The following ADGRL2 variants were observed in gnomAD, a reference collection of about 807,000 sequenced individuals.
ADGRL2 encodes the protein adhesion G protein-coupled receptor L2, also known as calcium-independent alpha-latrotoxin receptor 2.
Under a neutral mutation model 157.4 loss-of-function variants are expected in ADGRL2, and 44 were observed. The ratio of observed to expected loss-of-function variants is 0.28; its 90% CI spans 0.22 to 0.36. ADGRL2 has a LOEUF of 0.36. Ranked by LOEUF, ADGRL2 falls within the 10% of genes least tolerant of loss-of-function variation. ADGRL2 has a pLI of 1.00. For missense variants in ADGRL2, 1,510 were observed against 1,768.9 expected, an observed-to-expected ratio of 0.85 and a Z score of 2.63; for synonymous variants, 585 against 624.7, an observed-to-expected ratio of 0.94 and a Z score of 0.95.
intron 2 of ADGRL2, among the ~76,000 whole-genome samples, chr1:81,868,060 GGTGTGTGT>G (rs145794673): frequency 6.2e-5 from 9 of 145,556 alleles, no homozygotes; most frequent in Non-Finnish European, 1.2e-4. Context: ...GTGTGTGTGT[GGTGTGTGT>G]GTGTGTGTGT....
intron 1 of ADGRL2, among the ~76,000 whole-genome samples, chr1:81,802,656 T>A (rs986075322): frequency 6.6e-6 from 1 of 152,030 alleles, no homozygotes; most frequent in Non-Finnish European, 1.5e-5. Flanking sequence ...AAGCGCGTCC[T>A]CGGCGGAGCT....
At chr1:81,332,805 C>G (rs1661362001) in intron 1 of ADGRL2, among the ~76,000 whole-genome samples, 1 of 152,182 alleles carries the variant, frequency 6.6e-6, no homozygotes, top group Admixed American at 6.5e-5. Context: ...GGATGTAGAA[C>G]TTCATATGAA....
intron 2 of ADGRL2, 107 bp downstream of exon 2, chr1:81,837,164 G>A (rs1422296741): frequency 5.5e-6 from 3 of 544,310 alleles, no homozygotes; most frequent in South Asian, 3.5e-5. Flanking sequence ...TTAAAAATAG[G>A]TGTTAAAATT....
chr1:81,651,682 A>C (rs1448237584), intron 3 of ADGRL2, among the ~76,000 whole-genome samples: 21 of 152,170 alleles, frequency 1.4e-4, no homozygotes, highest in Admixed American at 1.3e-3. Flanking sequence ...ATTTTGGTAT[A>C]AGTTAGAATA....
intron 2 of ADGRL2, among the ~76,000 whole-genome samples, chr1:81,526,271 T>G (rs1452647233): frequency 6.6e-6 from 1 of 152,220 alleles, no homozygotes; most frequent in Non-Finnish European, 1.5e-5. Flanking sequence ...TGGGAATTAA[T>G]GTCTAGTGAG....
intron 1 of ADGRL2, among the ~76,000 whole-genome samples, chr1:81,375,936 C>A (rs1038437073): frequency 6.6e-6 from 1 of 151,860 alleles, no homozygotes; most frequent in Admixed American, 6.6e-5. Flanking sequence ...AACAAAGTAC[C>A]CATATTCGGT....
intron 1 of ADGRL2, among the ~76,000 whole-genome samples, chr1:81,442,811 T>C (rs958216916): frequency 1.3e-5 from 2 of 152,186 alleles, no homozygotes; most frequent in African/African-American, 4.8e-5. Flanking sequence ...CCATTTCCCA[T>C]CTACCATTTT....
chr1:81,850,668 A>T (rs571614647), intron 2 of ADGRL2, among the ~76,000 whole-genome samples: 1 of 152,074 alleles, frequency 6.6e-6, no homozygotes, highest in South Asian at 2.1e-4. Flanking sequence ...TAATCTAAAC[A>T]GGAATCCTCT....
At chr1:81,935,670 G>A (rs1443425142) in intron 3 of ADGRL2, among the ~76,000 whole-genome samples, 4 of 151,816 alleles carry the variant, frequency 2.6e-5, no homozygotes, top group Non-Finnish European at 5.9e-5. Flanking sequence ...TAATGTTCTT[G>A]TTCTGCTTGA....
chr1:81,855,220 CT>C (rs1473289715), intron 2 of ADGRL2, among the ~76,000 whole-genome samples: 1 of 152,128 alleles, frequency 6.6e-6, no homozygotes, highest in Non-Finnish European at 1.5e-5. Flanking sequence ...GGGAGGATCA[CT>C]TGAGGCCAGG....
intron 2 of ADGRL2, among the ~76,000 whole-genome samples, chr1:81,523,762 T>C (rs1490051790): frequency 1.3e-5 from 2 of 151,994 alleles, no homozygotes; most frequent in African/African-American, 2.4e-5. Flanking sequence ...GCAGAAAAAA[T>C]AAATAAATTT....
intron 2 of ADGRL2, among the ~76,000 whole-genome samples, chr1:81,875,653 T>C (rs1309407558): frequency 2.0e-5 from 3 of 152,184 alleles, no homozygotes; most frequent in Non-Finnish European, 4.4e-5. Flanking sequence ...GCACTCTTCT[T>C]ACATGTCCAT....
intron 2 of ADGRL2, among the ~76,000 whole-genome samples, chr1:81,864,711 CA>C (rs1224566146): frequency 6.6e-6 from 1 of 152,092 alleles, no homozygotes; most frequent in Non-Finnish European, 1.5e-5. Context: ...CCTGTAATCC[CA>C]GCACTTTGGG....
chr1:81,877,524 G>C (rs2151137021), intron 2 of ADGRL2, among the ~76,000 whole-genome samples: 1 of 152,134 alleles, frequency 6.6e-6, no homozygotes, highest in Admixed American at 6.5e-5. Context: ...GTGTGTACTT[G>C]AGGTTCTGGA....
intron 3 of ADGRL2, chr1:81,596,159 C>T: frequency 2.1e-6 from 1 of 480,816 alleles, no homozygotes; most frequent in Non-Finnish European, 3.9e-6. Context: ...ACTTAAGCAT[C>T]CGCAATGGTG....
At chr1:81,664,520 T>A (rs1022551896) in intron 3 of ADGRL2, among the ~76,000 whole-genome samples, 1 of 152,206 alleles carries the variant, frequency 6.6e-6, no homozygotes, top group East Asian at 1.9e-4. Flanking sequence ...ATTCCATGAA[T>A]GGTACTAAAC....
intron 1 of ADGRL2, among the ~76,000 whole-genome samples, chr1:81,374,578 G>GAAAAAAAAATAAAAA (rs1553158623): frequency 7.7e-6 from 1 of 130,256 alleles, no homozygotes; most frequent in Non-Finnish European, 1.6e-5. Flanking sequence ...TCTCAAAAAA[G>GAAAAAAAAATAAAAA]AAAAAAAAAA....
At chr1:81,489,064 C>T (rs527568152) in intron 2 of ADGRL2, among the ~76,000 whole-genome samples, 3 of 152,020 alleles carry the variant, frequency 2.0e-5, no homozygotes, top group South Asian at 2.1e-4. Context: ...ATGGTGAAAC[C>T]CTGTCTCTAC....
chr1:81,555,031 C>T (rs1042726878), intron 2 of ADGRL2, among the ~76,000 whole-genome samples: 2 of 151,866 alleles, frequency 1.3e-5, no homozygotes, highest in African/African-American at 4.8e-5. Flanking sequence ...TGCTGGGAGG[C>T]TCCAGGGAAC....
Sources: allele counts gnomAD v4.1 joint callset (sites outside exome capture counted in the v4.1 genomes callset), GRCh38; gene constraint gnomAD v4.1.1; transcripts MANE v1.5; gene names NCBI Gene and HGNC (gene_info 2026-07-23, HGNC 2026-07-21).